SMAP1: variants seen among roughly 807,000 people sequenced by gnomAD.
SMAP1 encodes small ArfGAP 1.
In SMAP1, 24 loss-of-function variants were observed where a neutral mutation model predicts 58.5. The observed-to-expected ratio is 0.41, with a 90% CI of 0.30 to 0.58. The LOEUF is 0.58. SMAP1 is among the 20% of genes least tolerant of loss of function. The probability of loss-of-function intolerance (pLI) is 0.29; values close to 1 mark genes in which losing one functional copy is unlikely to be tolerated. For synonymous variants in SMAP1, 216 were observed against 196.6 expected, an observed-to-expected ratio of 1.10 and a Z score of -0.82; for missense variants, 563 against 566.3, an observed-to-expected ratio of 0.99 and a Z score of 0.06.
At chr6:70,729,311 C>A (rs980799208) in intron 1 of SMAP1, among the ~76,000 whole-genome samples, 132 of 151,710 alleles carry the variant, frequency 8.7e-4, no homozygotes, top group Non-Finnish European at 1.6e-3. Context: ...AAGTGGCGGG[C>A]GCCTGTAGTC....
chr6:70,682,020 C>A (rs1766730790), intron 1 of SMAP1, among the ~76,000 whole-genome samples: 1 of 151,724 alleles, frequency 6.6e-6, no homozygotes, highest in African/African-American at 2.4e-5. Flanking sequence ...TAGCTTTTGA[C>A]AGGAGAAAAA....
intron 7 of SMAP1, among the ~76,000 whole-genome samples, chr6:70,842,722 T>C (rs1353577541): frequency 5.3e-5 from 8 of 152,110 alleles, no homozygotes; most frequent in Non-Finnish European, 4.4e-5. Context: ...GGCCGTGCAG[T>C]GGTGGAACAG....
Position 70,744,049 on chromosome 6 carries a change from G to A in SMAP1, c.253-10931G>A, listed in dbSNP as rs1765919223. 2.0e-5 allele frequency among the ~76,000 whole-genome samples: 3 copies of A among 151,930 alleles called. 1 individual carries two copies. The highest frequency in any genetic ancestry group is 2.0e-4 in the Admixed American group (3 of 15,256). ...TTAAATAAGGTCAGTAATACTAATA[G>A]TTTTTTTGGAAATGGCATATTTTAG... On this transcript the variant is annotated intron_variant, in intron 2 of 10. Transcript: ENST00000370455.
chr6:70,732,826 G>A (rs1039712734), intron 2 of SMAP1, among the ~76,000 whole-genome samples: 8 of 151,756 alleles, frequency 5.3e-5, no homozygotes, highest in Non-Finnish European at 1.0e-4. Flanking sequence ...TCAGTGGAGG[G>A]AGCCTGGGTA....
In SMAP1 at chr6:70,791,739, G is replaced by A; in HGVS notation, c.465G>A (p.Leu155=). 1 of 1,612,944 alleles carries A rather than the reference G, an allele frequency of 6.2e-7. No homozygotes were observed. The highest frequency in any genetic ancestry group is 8.5e-7 in the Non-Finnish European group (1 of 1,179,534). Residue 155 remains leucine (L), a synonymous_variant, in exon 5 of 11, where the codon CTG becomes CTA. Coordinates refer to ENST00000370455, the MANE Select transcript of SMAP1 (RefSeq NM_001044305.3). ...AGCCTTTGGTATCCTCTCCTTCTCTGCAAGCTGCTGTTGACAAAAATAAAT... is the reference window on the plus strand; with the variant it reads ...AGCCTTTGGTATCCTCTCCTTCTCTACAAGCTGCTGTTGACAAAAATAAAT... The part of the protein sequence containing the change: ...PLQPLVSSPS[L]QAAVDKNKLE...
intron 6 of SMAP1, among the ~76,000 whole-genome samples, chr6:70,824,111 G>C (rs1770011583): frequency 6.6e-6 from 1 of 152,102 alleles, no homozygotes. Flanking sequence ...TGTCTCTCTT[G>C]TTTTCAGGGC....
chr6:70,857,773 G>A, intron 9 of SMAP1, 149 bp from the exon 10 acceptor site: 2 of 699,784 alleles, frequency 2.9e-6, no homozygotes, highest in Non-Finnish European at 4.7e-6. Flanking sequence ...GGGTTTAGGT[G>A]TGGGTTGGTC....
intron 6 of SMAP1, 107 bp downstream of exon 6, chr6:70,798,844 T>C (rs1768723509): frequency 1.1e-6 from 1 of 930,626 alleles, no homozygotes. Context: ...ATCATTATTT[T>C]CAACAAGCAA....
At chr6:70,668,427 C>G in intron 1 of SMAP1, 1 of 1,229,566 alleles carries the variant, frequency 8.1e-7, no homozygotes, top group Non-Finnish European at 1.1e-6. Flanking sequence ...CTCGGACCCT[C>G]CACAGGGCTG....
chr6:70,683,550 C>T (rs1467211663), intron 1 of SMAP1, among the ~76,000 whole-genome samples: 3 of 151,998 alleles, frequency 2.0e-5, no homozygotes, highest in African/African-American at 4.8e-5. Flanking sequence ...GATTGGCAAC[C>T]CTTTTCACAT....
In SMAP1 at chr6:70,804,930, C is replaced by CT. The variant is rs199998515; in HGVS notation, c.576+6206dup. ...CCTTTCTCTCTGACTGTCCTTAACA[C>CT]TTTTTTTTTTTTTCATTTCAGCCTT... On this transcript the variant is annotated intron_variant, in intron 6 of 10. Coordinates refer to ENST00000370455, the MANE Select transcript of SMAP1 (RefSeq NM_001044305.3). 4.3e-3 allele frequency among the ~76,000 whole-genome samples: 611 copies of CT among 143,020 alleles called. 1 individual carries two copies. Among genetic ancestry groups the CT allele is most frequent in the South Asian group, 7.4e-3 (33 of 4,478 alleles). 93.8% of individuals were successfully genotyped at this position (143,020 alleles called of 152,430 possible).
At chr6:70,834,467 T>C (rs1203534169) in intron 6 of SMAP1, among the ~76,000 whole-genome samples, 3 of 152,192 alleles carry the variant, frequency 2.0e-5, no homozygotes, top group Non-Finnish European at 4.4e-5. Flanking sequence ...GAGCCTCAGT[T>C]AATTTGCGGA....
intron 2 of SMAP1, chr6:70,735,079 C>T (rs1057132371): frequency 1.3e-5 from 2 of 152,186 alleles, no homozygotes; most frequent in Non-Finnish European, 2.9e-5. Flanking sequence ...TCTGTTAGAC[C>T]TGGGTTTAAA....
At chr6:70,687,187 G>A (rs553027732) in intron 1 of SMAP1, among the ~76,000 whole-genome samples, 1 of 152,174 alleles carries the variant, frequency 6.6e-6, no homozygotes, top group East Asian at 1.9e-4. Flanking sequence ...CCAGCATCAT[G>A]GAAAGTACAG....
chr6:70,840,422 T>C (rs2080129197), intron 7 of SMAP1, among the ~76,000 whole-genome samples: 1 of 152,248 alleles, frequency 6.6e-6, no homozygotes, highest in South Asian at 2.1e-4. Flanking sequence ...ATATATACTT[T>C]ATAGCAGAGG....
chr6:70,856,935 C>G lies in SMAP1; in HGVS notation c.866C>G (p.Thr289Ser). 1 of 1,613,958 alleles carries G rather than the reference C, an allele frequency of 6.2e-7. No individual in the cohort carries two copies. Among genetic ancestry groups the G allele is most frequent in the African/African-American group, 1.3e-5 (1 of 75,056 alleles). The change falls in exon 9 of 11, where the codon ACT becomes AGT. Residue 289 changes from threonine (T) to serine (S), a missense_variant. By Grantham distance (58) the Thr-to-Ser change is moderately conservative (BLOSUM62 1). Coordinates refer to ENST00000370455, the MANE Select transcript of SMAP1 (RefSeq NM_001044305.3). ...GATCTAGATTTATTCACTGAGCAAA[C>G]TACAAAATCAGAAGAAGTGGCAAAG... is the stretch of plus-strand genomic sequence containing the variant. ...SGDLDLFTEQ[T>S]TKSEEVAKKQ...
intron 1 of SMAP1, among the ~76,000 whole-genome samples, chr6:70,704,404 A>G (rs1175448970): frequency 6.6e-6 from 1 of 152,228 alleles, no homozygotes; most frequent in Admixed American, 6.5e-5. Context: ...TGTGCTCTTC[A>G]TATATAAATT....
intron 3 of SMAP1, among the ~76,000 whole-genome samples, chr6:70,769,020 T>A (rs1767140151): frequency 6.6e-6 from 1 of 152,196 alleles, no homozygotes; most frequent in African/African-American, 2.4e-5. Flanking sequence ...CCAGTAGTCA[T>A]TCAGGAGCAG....
chr6:70,848,893 TTTTGCAAGGC>T (rs1307785159), intron 7 of SMAP1, among the ~76,000 whole-genome samples: 1 of 152,236 alleles, frequency 6.6e-6, no homozygotes, highest in East Asian at 1.9e-4. Flanking sequence ...TGTTTACCAA[TTTTGCAAGGC>T]TGAGAAGTTT....
Sources: allele counts gnomAD v4.1 joint callset (sites outside exome capture counted in the v4.1 genomes callset), GRCh38; gene constraint gnomAD v4.1.1; transcripts MANE v1.5; gene names NCBI Gene and HGNC (gene_info 2026-07-23, HGNC 2026-07-21).